ERC2: variants seen among roughly 807,000 people sequenced by gnomAD.
ERC2 encodes ERC protein 2.
In ERC2, 42 loss-of-function variants were observed where a neutral mutation model predicts 114.8. The observed-to-expected ratio is 0.37, with a 90% CI of 0.29 to 0.47. ERC2 has a LOEUF of 0.47. ERC2 is among the 20% of genes least tolerant of loss of function. ERC2 has a pLI of 0.99. For missense variants in ERC2, 939 were observed against 1,150.7 expected, an observed-to-expected ratio of 0.82 and a Z score of 2.66; for synonymous variants, 454 against 425.5, an observed-to-expected ratio of 1.07 and a Z score of -0.82.
At chr3:55,818,196 T>C (rs1296166042) in intron 14 of ERC2, among the ~76,000 whole-genome samples, 1 of 152,182 alleles carries the variant, frequency 6.6e-6, no homozygotes, top group Non-Finnish European at 1.5e-5. Flanking sequence ...GTGACATTTA[T>C]GCAACACGGA....
chr3:55,911,139 G>GTAACT (rs1267703192), intron 13 of ERC2, among the ~76,000 whole-genome samples: 1 of 152,110 alleles, frequency 6.6e-6, no homozygotes, highest in Non-Finnish European at 1.5e-5. Context: ...CCCTGATGAT[G>GTAACT]TAACTTAACA....
At chr3:55,965,684 G>C (rs980507342) in intron 12 of ERC2, among the ~76,000 whole-genome samples, 1 of 152,110 alleles carries the variant, frequency 6.6e-6, no homozygotes, top group Non-Finnish European at 1.5e-5. Flanking sequence ...CTTAACTTAT[G>C]CTCAATGGGG....
At chr3:55,539,714 A>C (rs1223925760) in intron 17 of ERC2, among the ~76,000 whole-genome samples, 1 of 151,900 alleles carries the variant, frequency 6.6e-6, no homozygotes, top group African/African-American at 2.4e-5. Flanking sequence ...GGCGTGAGCC[A>C]CTGCGCCCCA....
rs74384851 is a variant in ERC2 at position 55,857,970 on chromosome 3, C to T, written c.2564+30419G>A. Among the ~76,000 whole-genome samples the T allele has an allele frequency of 6.0e-3, 914 of 152,290 alleles. 11 individuals carry two copies. Among genetic ancestry groups the T allele is most frequent in the African/African-American group, 0.021 (865 of 41,564 alleles). On this transcript the variant is annotated intron_variant, in intron 14 of 17. Coordinates refer to ENST00000288221, the MANE Select transcript of ERC2 (RefSeq NM_015576.3). ...TCCTTCACCTGCTCCCCAAATGGTA[C>T]ATAACCTCAAAAAATACAACAGAAC... is the stretch of plus-strand genomic sequence containing the variant.
chr3:55,633,593 GATAC>G (rs2059840921), intron 17 of ERC2, among the ~76,000 whole-genome samples: 2 of 152,148 alleles, frequency 1.3e-5, no homozygotes, highest in South Asian at 2.1e-4. Context: ...TGAGAAAGCA[GATAC>G]ATACATGAAC....
chr3:55,591,469 A>G (rs2057875979), intron 17 of ERC2, among the ~76,000 whole-genome samples: 1 of 152,106 alleles, frequency 6.6e-6, no homozygotes, highest in Admixed American at 6.6e-5. Flanking sequence ...TGTTTTCCAC[A>G]TGCGGACACT....
At chr3:55,629,372 A>C (rs1051835527) in intron 17 of ERC2, among the ~76,000 whole-genome samples, 1 of 152,192 alleles carries the variant, frequency 6.6e-6, no homozygotes, top group East Asian at 1.9e-4. Flanking sequence ...TCCCAAAAGG[A>C]CTCTCAAACA....
chr3:56,203,967 G>C (rs906342896), intron 3 of ERC2, among the ~76,000 whole-genome samples: 1 of 151,882 alleles, frequency 6.6e-6, no homozygotes, highest in African/African-American at 2.4e-5. Context: ...GAATCACGAG[G>C]TCAGGAGTTC....
chr3:56,177,364 C>G (rs1417902079), intron 3 of ERC2, among the ~76,000 whole-genome samples: 1 of 152,158 alleles, frequency 6.6e-6, no homozygotes, highest in Non-Finnish European at 1.5e-5. Context: ...TGCACTAATC[C>G]TAAACAACTA....
At chr3:55,543,235 G>T (rs996741304) in intron 17 of ERC2, among the ~76,000 whole-genome samples, 4 of 152,198 alleles carry the variant, frequency 2.6e-5, no homozygotes, top group African/African-American at 9.7e-5. Context: ...GCAAAAGGCT[G>T]TCCACGTGTA....
chr3:56,305,418 T>C (rs983725219), intron 2 of ERC2, among the ~76,000 whole-genome samples: 5 of 151,698 alleles, frequency 3.3e-5, no homozygotes, highest in African/African-American at 1.2e-4. Context: ...CCAATAAACA[T>C]ATGAAAAGAT....
At chr3:55,814,532 C>T (rs2149135240) in intron 14 of ERC2, among the ~76,000 whole-genome samples, 2 of 152,158 alleles carry the variant, frequency 1.3e-5, no homozygotes, top group Middle Eastern at 6.8e-3. Context: ...TCAAATAGGG[C>T]TTATGTAAAG....
At chr3:55,684,966 G>T (rs1194043751) in intron 16 of ERC2, among the ~76,000 whole-genome samples, 1 of 152,126 alleles carries the variant, frequency 6.6e-6, no homozygotes, top group African/African-American at 2.4e-5. Context: ...TATTGGTTAA[G>T]TTGTTACACT....
intron 17 of ERC2, among the ~76,000 whole-genome samples, chr3:55,579,691 C>A (rs1417729869): frequency 6.6e-6 from 1 of 152,216 alleles, no homozygotes; most frequent in South Asian, 2.1e-4. Flanking sequence ...CTGGTGTGCA[C>A]GGCAGAAATG....
intron 6 of ERC2, among the ~76,000 whole-genome samples, chr3:56,108,938 T>A (rs2078811928): frequency 6.6e-6 from 1 of 152,176 alleles, no homozygotes; most frequent in Non-Finnish European, 1.5e-5. Flanking sequence ...GAAAGACCAT[T>A]AAATAAATTA....
intron 7 of ERC2, among the ~76,000 whole-genome samples, chr3:56,034,534 C>G (rs1345270395): frequency 6.6e-6 from 1 of 152,142 alleles, no homozygotes; most frequent in African/African-American, 2.4e-5. Context: ...AGAATACACA[C>G]ACTTTACAAG....
At chr3:55,678,048 T>C (rs1272491895) in intron 17 of ERC2, among the ~76,000 whole-genome samples, 2 of 152,150 alleles carry the variant, frequency 1.3e-5, no homozygotes, top group African/African-American at 4.8e-5. Flanking sequence ...AAACAGCAGC[T>C]TTGTAAGCCT....
At chr3:56,127,029 T>C (rs891538416) in intron 6 of ERC2, among the ~76,000 whole-genome samples, 1 of 152,036 alleles carries the variant, frequency 6.6e-6, no homozygotes, top group Admixed American at 6.6e-5. Context: ...TATAGGCTAA[T>C]GGAGAACTAT....
rs1020914397 is a variant in ERC2, at chr3:56,203,840, C to T, written c.1075-30320G>A. 2.6e-5 allele frequency among the ~76,000 whole-genome samples: 4 copies of T among 152,136 alleles called. No individual in the cohort carries two copies. The South Asian group carries it at 8.3e-4, about 31-fold the overall frequency. On this transcript the variant is annotated intron_variant, in intron 3 of 17. Transcript: ENST00000288221. ...TAAGATCACAGATTAATCTAAAGAA[C>T]CACCTTGTGCAGAGGACCTGACAAG...
Sources: allele counts gnomAD v4.1 joint callset (sites outside exome capture counted in the v4.1 genomes callset), GRCh38; gene constraint gnomAD v4.1.1; transcripts MANE v1.5; gene names NCBI Gene and HGNC (gene_info 2026-07-23, HGNC 2026-07-21).